Variants in ABHD3 observed in about 807,000 individuals in gnomAD.
The protein encoded by ABHD3 is abhydrolase domain containing 3, phospholipase, also known as phospholipase ABHD3.
Under a neutral mutation model 48.8 loss-of-function variants are expected in ABHD3, and 46 were observed. The ratio of observed to expected loss-of-function variants is 0.94; its 90% CI spans 0.74 to 1.20. ABHD3 has a LOEUF of 1.20. Among genes scored for constraint, ABHD3 ranks in the 50% most tolerant of loss-of-function variants. The pLI is 0.00. For synonymous variants in ABHD3, 192 were observed against 183.7 expected (o/e 1.04, Z -0.36); for missense variants, 490 against 497.8 (o/e 0.98, Z 0.15).
chr18:21,704,745 G>T lies in ABHD3; in HGVS notation c.-80C>A. 1 of 1,270,950 alleles carries T rather than the reference G, an allele frequency of 7.9e-7. No homozygotes were observed. The highest frequency in any genetic ancestry group is 2.2e-5 in the South Asian group (1 of 44,866). 78.7% of individuals were successfully genotyped at this position (1,270,950 alleles called of 1,614,324 possible). On this transcript the variant is annotated 5_prime_UTR_variant, in exon 1 of 9. Coordinates refer to ENST00000289119, the MANE Select transcript of ABHD3 (RefSeq NM_138340.5). ...CGGGCGAGAGCGGGCGAGAGCGGAC[G>T]CGGCGCCGCTGCCTACTCCCGACCA... is the stretch of plus-strand genomic sequence containing the variant.
rs184348798 is a variant in ABHD3 at position 21,654,503 on chromosome 18, C to T, written c.1057+2358G>A. 2.5e-3 allele frequency among the ~76,000 whole-genome samples: 378 copies of T among 152,260 alleles called. 4 individuals are homozygous for T. Among genetic ancestry groups the T allele is most frequent in the Non-Finnish European group, 2.3e-3 (154 of 68,022 alleles). On this transcript the variant is annotated intron_variant, in intron 8 of 8. Transcript: ENST00000289119. Reference sequence around the variant, plus strand: ...TTATCAAAAAGTGGTCCTGAGTTCACGTCCTTAGCTAGCCACGTCCGTCCC... The same window carrying T: ...TTATCAAAAAGTGGTCCTGAGTTCATGTCCTTAGCTAGCCACGTCCGTCCC...
chr18:21,653,429 G>A (rs927222078), intron 8 of ABHD3, among the ~76,000 whole-genome samples: 6 of 151,706 alleles, frequency 4.0e-5, no homozygotes, highest in South Asian at 4.2e-4. Flanking sequence ...GATTACAGGC[G>A]TATGCTACCT....
intron 4 of ABHD3, among the ~76,000 whole-genome samples, chr18:21,676,740 A>G (rs930704130): frequency 2.0e-5 from 3 of 152,130 alleles, no homozygotes; most frequent in Admixed American, 2.0e-4. Flanking sequence ...CTGGGACTAG[A>G]GTCAGGTACC....
At chr18:21,668,175 T>C (rs1041829438) in intron 4 of ABHD3, among the ~76,000 whole-genome samples, 3 of 81,810 alleles carry the variant, frequency 3.7e-5, no homozygotes, top group African/African-American at 2.5e-4. Flanking sequence ...CACTCCACCC[T>C]GGGCAACAAA....
intron 4 of ABHD3, among the ~76,000 whole-genome samples, chr18:21,676,249 C>T (rs1035075206): frequency 2.0e-5 from 3 of 152,158 alleles, no homozygotes; most frequent in Non-Finnish European, 4.4e-5. Context: ...ACTCATCCAC[C>T]AAACTTAGGT....
At chr18:21,665,403 C>T (rs2039599370) in intron 4 of ABHD3, among the ~76,000 whole-genome samples, 1 of 151,944 alleles carries the variant, frequency 6.6e-6, no homozygotes, top group Non-Finnish European at 1.5e-5. Flanking sequence ...CCATGCCTGG[C>T]AAATTTTTTA....
intron 5 of ABHD3, among the ~76,000 whole-genome samples, chr18:21,660,091 A>G (rs75500806): frequency 0.022 from 3,141 of 142,562 alleles, 130 homozygotes; most frequent in African/African-American, 0.079. Flanking sequence ...CCTCCCCAGT[A>G]TCTGGGACTA....
At chr18:21,686,438 G>A (rs2040130385) in intron 3 of ABHD3, among the ~76,000 whole-genome samples, 1 of 152,228 alleles carries the variant, frequency 6.6e-6, no homozygotes, top group Non-Finnish European at 1.5e-5. Flanking sequence ...GTGACTGCCA[G>A]TGAGAGAAGG....
rs1356813238 is a variant in ABHD3, at chr18:21,663,871, G to C, written c.668+247C>G. 27 of 1,470,920 alleles carry C rather than the reference G, an allele frequency of 1.8e-5. No homozygotes were observed. In the South Asian group the frequency reaches 3.4e-4, roughly 19 times the overall value. The allele number at this position is 1,470,920 out of a possible 1,614,324, so 91.1% of individuals were successfully genotyped here. The stretch of plus-strand genomic sequence containing the variant: ...GATGCAATCGACTTCATGGGCTTCA[G>C]ACAAACCTTCAGGCTCACAAAATCC... On this transcript the variant is annotated intron_variant, in intron 5 of 8. Coordinates refer to ENST00000289119, the MANE Select transcript of ABHD3 (RefSeq NM_138340.5).
intron 5 of ABHD3, among the ~76,000 whole-genome samples, chr18:21,661,494 G>A (rs2039494340): frequency 6.6e-6 from 1 of 151,848 alleles, no homozygotes. Flanking sequence ...AGCTGGACAT[G>A]GTGGTGGGCG....
At position 21,694,775 on chromosome 18, in the gene ABHD3, C is replaced by T. The variant is rs534296855; in HGVS notation, c.509+7541G>A. On this transcript the variant is annotated intron_variant, in intron 3 of 8. Transcript: ENST00000289119. ...CCAGCAGTTTGGCTTCCTTCCTCATCGCTCTACTGAGATTCTCATGTTTTG... is the reference window on the plus strand; with the variant it reads ...CCAGCAGTTTGGCTTCCTTCCTCATTGCTCTACTGAGATTCTCATGTTTTG... Among the ~76,000 whole-genome samples, 36 of 152,264 alleles carry T rather than the reference C, an allele frequency of 2.4e-4. No individual in the cohort carries two copies. In the South Asian group the frequency reaches 3.7e-3, roughly 16 times the overall value.
chr18:21,665,932 G>C (rs979331461), intron 4 of ABHD3, among the ~76,000 whole-genome samples: 16 of 152,114 alleles, frequency 1.1e-4, no homozygotes, highest in Admixed American at 7.9e-4. Context: ...GTCTGCCAAT[G>C]AAAGAGTATG....
intron 5 of ABHD3, among the ~76,000 whole-genome samples, chr18:21,662,640 A>G (rs2146288538): frequency 6.6e-6 from 1 of 152,260 alleles, no homozygotes; most frequent in African/African-American, 2.4e-5. Flanking sequence ...TCTCCATAAG[A>G]AAAAATGTGT....
chr18:21,704,656 G>C lies in ABHD3; in HGVS notation c.10C>G (p.Leu4Val). 2 of 1,509,056 alleles carry C rather than the reference G, an allele frequency of 1.3e-6. No homozygotes were observed. The highest frequency in any genetic ancestry group is 1.5e-5 in the African/African-American group (1 of 68,748). 93.5% of individuals were successfully genotyped at this position (1,509,056 alleles called of 1,614,324 possible). A position where few individuals can be genotyped will look rare whatever the true frequency, so the allele number is the denominator to read the frequency against. The change falls in exon 1 of 9, where the codon CTG becomes GTG. Residue 4 changes from leucine (L) to valine (V), a missense_variant. Leu to Val is a conservative substitution (Grantham distance 32). Coordinates refer to ENST00000289119, the MANE Select transcript of ABHD3 (RefSeq NM_138340.5). Reference protein sequence around the residue: MQRLAMDLRMLSRE... With the variant: MQRVAMDLRMLSRE... ...GACAACATCCGCAGGTCCATGGCCA[G>C]GCGCTGCATGGCCCCCGAGCGCGGC...
chr18:21,704,382 G>C, intron 1 of ABHD3, 122 bp downstream of exon 1: 18 of 1,073,822 alleles, frequency 1.7e-5, no homozygotes, highest in Non-Finnish European at 1.9e-5. Context: ...GCTGCCGCTC[G>C]GGAGCAGCTC....
chr18:21,664,273 G>C (rs1449802688), intron 4 of ABHD3, 43 bp from the exon 5 acceptor site: 2 of 1,573,072 alleles, frequency 1.3e-6, no homozygotes, highest in East Asian at 2.2e-5. Context: ...ACAATGTGAG[G>C]TTAATGATTT....
Position 21,652,487 on chromosome 18 carries a change from AAGAG to A in ABHD3, c.1058-728_1058-725del, listed in dbSNP as rs1326587275. 2.6e-5 allele frequency among the ~76,000 whole-genome samples: 4 copies of A among 151,644 alleles called. No individual in the cohort carries two copies. In the East Asian group the frequency reaches 5.8e-4, roughly 22 times the overall value. ...GAAAGAGAGAAAGAAAAAAGAAAGA[AAGAG>A]AGAGGCCAGGTGTGGTGGCTCATGC... is the stretch of plus-strand genomic sequence containing the variant. On this transcript the variant is annotated intron_variant, in intron 8 of 8. Coordinates refer to ENST00000289119, the MANE Select transcript of ABHD3 (RefSeq NM_138340.5).
At position 21,704,609 on chromosome 18, in the gene ABHD3, C is replaced by T; in HGVS notation, c.57G>A (p.Leu19=). The change falls in exon 1 of 9, where the codon CTG becomes CTA. Residue 19 remains leucine (L), a synonymous_variant. Transcript: ENST00000289119. ...RMLSRELSLY[L]EHQVRVGFFG... ...AGAACCCCACCCGGACTTGGTGTTC[C>T]AGGTAGAGGGAGAGCTCCCGGGACA... 1 of 1,554,916 alleles carries T rather than the reference C, an allele frequency of 6.4e-7. No individual in the cohort carries two copies. Among genetic ancestry groups the T allele is most frequent in the African/African-American group, 1.4e-5 (1 of 70,272 alleles).
chr18:21,667,884 T>C (rs2146296046), intron 4 of ABHD3, among the ~76,000 whole-genome samples: 2 of 152,012 alleles, frequency 1.3e-5, no homozygotes, highest in East Asian at 3.9e-4. Flanking sequence ...GGGCACAAAT[T>C]CAACGTAAAA....
Sources: gnomAD v4.1 joint callset for allele counts (sites outside exome capture counted in the v4.1 genomes callset) on GRCh38, gnomAD v4.1.1 for gene constraint, MANE v1.5 for transcripts, NCBI Gene and HGNC (gene_info 2026-07-23, HGNC 2026-07-21) for gene names.